The following ATG3 variants were observed in gnomAD, a reference collection of about 807,000 sequenced individuals.
ATG3 encodes autophagy related 3, also known as ubiquitin-like-conjugating enzyme ATG3.
Under a neutral mutation model 50.7 loss-of-function variants are expected in ATG3, and 25 were observed. That is an observed-to-expected ratio of 0.49 (90% confidence interval 0.36 to 0.69). ATG3 has a LOEUF of 0.69. Among genes scored for constraint, ATG3 ranks in the 30% least tolerant of loss-of-function variants. The pLI is 0.00. For synonymous variants in ATG3, 119 were observed against 125.5 expected (o/e 0.95, Z 0.34); for missense variants, 281 against 376.0 (o/e 0.75, Z 2.09).
rs1933552186 is a variant in ATG3, at chr3:112,552,404, T to G, written c.164+876A>C. ...CCTTAGTAATTAAAATAAAAGGTAT[T>G]GAAAAAAAATAAAAACTTAAAGCCT... On this transcript the variant is annotated intron_variant, in intron 3 of 11. Transcript: ENST00000283290. Among the ~76,000 whole-genome samples, 4 of 151,868 alleles carry G rather than the reference T, an allele frequency of 2.6e-5. No individual in the cohort carries two copies. In the South Asian group the frequency reaches 8.3e-4, roughly 32 times the overall value.
intron 10 of ATG3, chr3:112,535,159 T>C (rs994446841): frequency 1.3e-5 from 2 of 152,140 alleles, no homozygotes; most frequent in African/African-American, 4.8e-5. Flanking sequence ...AACAGTCTTT[T>C]TAACATACCT....
chr3:112,559,898 C>T (rs1236811579), intron 1 of ATG3, among the ~76,000 whole-genome samples: 1 of 152,204 alleles, frequency 6.6e-6, no homozygotes, highest in Non-Finnish European at 1.5e-5. Context: ...TAGGAGAAGG[C>T]TATTACTTAT....
intron 5 of ATG3, among the ~76,000 whole-genome samples, chr3:112,548,295 T>C (rs1242867058): frequency 6.6e-6 from 1 of 152,156 alleles, no homozygotes; most frequent in Non-Finnish European, 1.5e-5. Context: ...GAGGTTGCAG[T>C]GAGCAAAGAT....
intron 1 of ATG3, among the ~76,000 whole-genome samples, chr3:112,560,981 G>C (rs997904505): frequency 6.6e-6 from 1 of 152,076 alleles, no homozygotes; most frequent in African/African-American, 2.4e-5. Flanking sequence ...AAACGAGTTG[G>C]GATCGCAGTC....
At chr3:112,554,137 A>C (rs549644494) in intron 2 of ATG3, among the ~76,000 whole-genome samples, 7 of 152,216 alleles carry the variant, frequency 4.6e-5, no homozygotes, top group Non-Finnish European at 1.0e-4. Flanking sequence ...CTTATTTCTG[A>C]GGGCAGAAAA....
chr3:112,548,734 G>A, intron 4 of ATG3, 94 bp from the exon 5 acceptor site: 4 of 1,012,364 alleles, frequency 4.0e-6, no homozygotes, highest in South Asian at 1.4e-5. Context: ...AAAATAGGGT[G>A]TTTATACCAC....
At chr3:112,548,323 A>C (rs548796280) in intron 5 of ATG3, among the ~76,000 whole-genome samples, 35 of 152,292 alleles carry the variant, frequency 2.3e-4, no homozygotes, top group South Asian at 8.3e-4. Context: ...CAGCCTGGTG[A>C]CAGAGCAAGA....
At chr3:112,541,724 G>A (rs3736269) in intron 7 of ATG3, 79 bp downstream of exon 7, 63,882 of 1,258,510 alleles carry the variant, frequency 0.051, 2,315 homozygotes, top group Admixed American at 0.16. Context: ...ACTCAATGAA[G>A]AATTCTTAAT....
intron 8 of ATG3, 69 bp from the exon 9 acceptor site, chr3:112,537,959 A>AT: frequency 1.4e-6 from 2 of 1,421,298 alleles, no homozygotes; most frequent in Non-Finnish European, 1.9e-6. Context: ...TAGAAAACTT[A>AT]TTTTTTCCAT....
At chr3:112,553,161 C>T (rs892347553) in intron 3 of ATG3, 119 bp downstream of exon 3, 6 of 808,372 alleles carry the variant, frequency 7.4e-6, no homozygotes, top group Non-Finnish European at 1.2e-5. Context: ...GAAGAATCTG[C>T]TGGGGGGAAA....
At chr3:112,553,536 C>G (rs1387174569) in intron 2 of ATG3, among the ~76,000 whole-genome samples, 2 of 151,960 alleles carry the variant, frequency 1.3e-5, no homozygotes, top group East Asian at 3.9e-4. Flanking sequence ...TTCTAATGTC[C>G]ATAAAAAAAT....
chr3:112,558,991 G>A (rs1232845462), intron 1 of ATG3, among the ~76,000 whole-genome samples: 1 of 152,126 alleles, frequency 6.6e-6, no homozygotes, highest in African/African-American at 2.4e-5. Context: ...CACCCGCCTC[G>A]GCCTCCCAAT....
chr3:112,539,277 A>ATGTCAAGACCTTATAGAATCTGAGTT (rs1559843192), intron 7 of ATG3, among the ~76,000 whole-genome samples: 152 of 152,314 alleles, frequency 1.0e-3, no homozygotes, highest in African/African-American at 3.5e-3. Flanking sequence ...CACTCTGAGT[A>ATGTCAAGACCTTATAGAATCTGAGTT]ATGTCAAGAC....
chr3:112,550,138 C>A lies in ATG3; in HGVS notation c.235+54G>T, dbSNP rs929428773. ...CAAGCAATAGAAAAACCGAGAGCTT[C>A]ATTTTAATATACCTCTACGCAAAAT... is the stretch of plus-strand genomic sequence containing the variant. On this transcript the variant is annotated intron_variant, in intron 4 of 11. Transcript: ENST00000283290. 2.3e-6 allele frequency: 3 copies of A among 1,310,664 alleles called. No homozygotes were observed. The African/African-American group carries it at 4.5e-5, about 20-fold the overall frequency. The allele number at this position is 1,310,664 out of a possible 1,614,324, so 81.2% of individuals were successfully genotyped here. A position where few individuals can be genotyped will look rare whatever the true frequency, so the allele number is the denominator to read the frequency against.
chr3:112,538,353 G>A lies in ATG3; in HGVS notation c.476-173C>T, dbSNP rs141939095. On this transcript the variant is annotated intron_variant, in intron 7 of 11. Coordinates refer to ENST00000283290, the MANE Select transcript of ATG3 (RefSeq NM_022488.5). ...GAGCTAATTCTATACTTCCAAAGGC[G>A]AAAGCCCAGAGAAAGCCAGCATGTT... 2,440 of 563,222 alleles carry A rather than the reference G, an allele frequency of 4.3e-3. 19 individuals carry two copies. The highest frequency in any genetic ancestry group is 0.014 in the South Asian group (573 of 40,758). 34.9% of individuals were successfully genotyped at this position (563,222 alleles called of 1,614,324 possible).
intron 2 of ATG3, among the ~76,000 whole-genome samples, chr3:112,556,419 G>A (rs1489510056): frequency 2.0e-5 from 3 of 147,920 alleles, no homozygotes; most frequent in Non-Finnish European, 3.0e-5. Flanking sequence ...TCAGCCCCCC[G>A]CCCGGCCAGC....
rs765963097 is a variant in ATG3 at position 112,548,582 on chromosome 3, A to G, written c.294T>C (p.Ile98=). 2 of 1,614,018 alleles carry G rather than the reference A, an allele frequency of 1.2e-6. No individual in the cohort carries two copies. Among genetic ancestry groups the G allele is most frequent in the Non-Finnish European group, 1.7e-6 (2 of 1,179,966 alleles). The stretch of plus-strand genomic sequence containing the variant: ...ATCCGCCATCACCATCATCTTCTTC[A>G]ATGATAGCTTCCAATTCATCTGAAT... ...MEYSDELEAI[I]EEDDGDGGWV... The change falls in exon 5 of 12, where the codon ATT becomes ATC. Residue 98 remains isoleucine (I), a synonymous_variant. Transcript: ENST00000283290.
At chr3:112,534,988 T>A (rs1216309967) in intron 10 of ATG3, 3 of 151,958 alleles carry the variant, frequency 2.0e-5, no homozygotes, top group Non-Finnish European at 2.9e-5. Flanking sequence ...TAAAAATAAA[T>A]TTTTTGGCTT....
At chr3:112,533,227 T>C (rs2082569101) in intron 11 of ATG3, 6 of 985,346 alleles carry the variant, frequency 6.1e-6, no homozygotes, top group Non-Finnish European at 7.2e-6. Flanking sequence ...TTAGTGTATG[T>C]ATTTGCCAAA....
Sources: allele counts gnomAD v4.1 joint callset (sites outside exome capture counted in the v4.1 genomes callset), GRCh38; gene constraint gnomAD v4.1.1; transcripts MANE v1.5; gene names NCBI Gene and HGNC (gene_info 2026-07-23, HGNC 2026-07-21).